The following ZC3H14 variants were observed in gnomAD, a reference collection of about 807,000 sequenced individuals.
ZC3H14 encodes the protein zinc finger CCCH-type containing 14, also known as zinc finger CCCH domain-containing protein 14.
A neutral mutation model predicts 92.4 loss-of-function variants in ZC3H14; 31 were observed. The observed-to-expected ratio is 0.34, with a 90% CI of 0.25 to 0.45. The LOEUF (loss-of-function observed/expected upper bound fraction) is 0.45, where lower values mean the gene tolerates loss of function less well. Ranked by LOEUF, ZC3H14 falls within the 20% of genes least tolerant of loss-of-function variation. ZC3H14 has a pLI of 1.00. For missense variants in ZC3H14, 781 were observed against 897.3 expected, an observed-to-expected ratio of 0.87 and a Z score of 1.66; for synonymous variants, 321 against 300.9, an observed-to-expected ratio of 1.07 and a Z score of -0.69.
intron 8 of ZC3H14, 77 bp downstream of exon 8, chr14:88,576,017 T>A: frequency 1.6e-6 from 2 of 1,278,868 alleles, no homozygotes; most frequent in Non-Finnish European, 2.2e-6. Flanking sequence ...GATTGCTCCT[T>A]AAATTGTAAA....
chr14:88,584,891 C>T (rs890669037), intron 9 of ZC3H14, among the ~76,000 whole-genome samples: 11 of 152,010 alleles, frequency 7.2e-5, no homozygotes, highest in Non-Finnish European at 1.0e-4. Flanking sequence ...CATGTTACAA[C>T]TGTGGCTGCA....
At chr14:88,594,582 A>G in intron 9 of ZC3H14, 2 of 1,518,708 alleles carry the variant, frequency 1.3e-6, no homozygotes, top group East Asian at 2.3e-5. Flanking sequence ...TTAAGATGTT[A>G]TTTGCTCTTA....
At chr14:88,571,212 C>T in intron 4 of ZC3H14, 88 bp downstream of exon 4, 2 of 1,196,530 alleles carry the variant, frequency 1.7e-6, no homozygotes, top group Non-Finnish European at 2.3e-6. Flanking sequence ...TGGGAAAAAC[C>T]CATCAATTTC....
intron 1 of ZC3H14, chr14:88,563,378 G>C: frequency 6.9e-7 from 1 of 1,440,934 alleles, no homozygotes; most frequent in African/African-American, 1.5e-5. Context: ...GTAGCCGCCG[G>C]GAAATGGAAG....
chr14:88,577,550 T>C, intron 8 of ZC3H14, among the ~76,000 whole-genome samples: 1 of 152,150 alleles, frequency 6.6e-6, no homozygotes, highest in South Asian at 2.1e-4. Flanking sequence ...ACTCCTCATA[T>C]ATATGTTCTT....
intron 9 of ZC3H14, chr14:88,595,049 C>G: frequency 6.2e-7 from 1 of 1,613,468 alleles, no homozygotes; most frequent in African/African-American, 1.3e-5. Flanking sequence ...GAAGAAGATA[C>G]TGAATCACAG....
intron 3 of ZC3H14, among the ~76,000 whole-genome samples, 193 bp from the exon 4 acceptor site, chr14:88,570,891 G>C (rs2080296256): frequency 6.6e-6 from 1 of 152,042 alleles, no homozygotes; most frequent in Non-Finnish European, 1.5e-5. Flanking sequence ...TGAGGCAGGT[G>C]GTTCTCTCAA....
chr14:88,574,073 TTCAA>T (rs2080847250), intron 6 of ZC3H14, among the ~76,000 whole-genome samples: 2 of 152,224 alleles, frequency 1.3e-5, no homozygotes, highest in Admixed American at 6.5e-5. Flanking sequence ...TTTGGGGGGT[TTCAA>T]TCAATTTTAG....
In ZC3H14 at chr14:88,601,994, T is replaced by C. The variant is rs773703869; in HGVS notation, c.1425T>C (p.Ser475=). The C allele has an allele frequency of 7.4e-6, 12 of 1,614,064 alleles. No homozygotes were observed. The Admixed American group carries it at 8.3e-5, about 11-fold the overall frequency. Reference sequence around the variant, plus strand: ...TTATTCTGAAGAAGCCAAAGCTGTCTGAGGAAGTAGTAGTGGCACCAAACC... The same window carrying C: ...TTATTCTGAAGAAGCCAAAGCTGTCCGAGGAAGTAGTAGTGGCACCAAACC... ...RSFILKKPKL[S]EEVVVAPNQE... Residue 475 remains serine, a synonymous_variant, in exon 11 of 17, where the codon TCT becomes TCC. Coordinates refer to ENST00000251038, the MANE Select transcript of ZC3H14 (RefSeq NM_024824.5).
chr14:88,594,429 G>A, intron 9 of ZC3H14: 17 of 1,210,664 alleles, frequency 1.4e-5, no homozygotes, highest in Non-Finnish European at 1.8e-5. Flanking sequence ...TATACAGATG[G>A]TACTTAGAGG....
chr14:88,592,047 C>T (rs1029115112), intron 9 of ZC3H14: 1 of 152,194 alleles, frequency 6.6e-6, no homozygotes, highest in Non-Finnish European at 1.5e-5. Context: ...AATATTTACA[C>T]TGGAGTCTTA....
chr14:88,563,309 C>T (rs551091812), intron 1 of ZC3H14, 140 bp downstream of exon 1: 15 of 1,521,070 alleles, frequency 9.9e-6, no homozygotes, highest in South Asian at 3.7e-5. Flanking sequence ...GGCTCCTCCT[C>T]GTCCAGGCCG....
chr14:88,596,554 A>T (rs182585443), intron 9 of ZC3H14, among the ~76,000 whole-genome samples, 180 bp from the exon 10 acceptor site: 1 of 152,194 alleles, frequency 6.6e-6, no homozygotes, highest in Non-Finnish European at 1.5e-5. Context: ...CCCTGAGTAC[A>T]GCCTTTTTTG....
At chr14:88,606,269 T>A (rs1280941305) in intron 12 of ZC3H14, among the ~76,000 whole-genome samples, 1 of 152,194 alleles carries the variant, frequency 6.6e-6, no homozygotes, top group African/African-American at 2.4e-5. Flanking sequence ...CACTTTGCCC[T>A]GTCATAGTAA....
At chr14:88,581,411 A>G (rs547799786) in intron 9 of ZC3H14, among the ~76,000 whole-genome samples, 1 of 152,144 alleles carries the variant, frequency 6.6e-6, no homozygotes, top group African/African-American at 2.4e-5. Context: ...ATACAAAAAA[A>G]TTAGCTGGGT....
Position 88,607,452 on chromosome 14 carries a change from G to A in ZC3H14, c.1868+89G>A, listed in dbSNP as rs570448594. On this transcript the variant is annotated intron_variant, in intron 13 of 16. Coordinates refer to ENST00000251038, the MANE Select transcript of ZC3H14 (RefSeq NM_024824.5). ...TACCATCCCCCATCTCACCTGGCAA[G>A]TACCATCCCATCTCACCCAGCAAGT... 1.8e-4 allele frequency: 250 copies of A among 1,417,298 alleles called. 3 individuals carry two copies. In the South Asian group the frequency reaches 2.6e-3, roughly 15 times the overall value. The allele number at this position is 1,417,298 out of a possible 1,614,324, so 87.8% of individuals were successfully genotyped here. A position where few individuals can be genotyped will look rare whatever the true frequency, so the allele number is the denominator to read the frequency against.
intron 9 of ZC3H14, among the ~76,000 whole-genome samples, chr14:88,578,435 T>C (rs766741663): frequency 1.9e-4 from 29 of 152,204 alleles, no homozygotes; most frequent in East Asian, 7.7e-4. Context: ...TGTGTGCCAC[T>C]GCACCCAGCC....
intron 9 of ZC3H14, chr14:88,594,600 T>G: frequency 3.2e-6 from 5 of 1,577,730 alleles, no homozygotes; most frequent in Non-Finnish European, 4.3e-6. Flanking sequence ...TTAATACGTC[T>G]TAAGGTAACA....
chr14:88,563,201 C>T lies in ZC3H14; in HGVS notation c.36+32C>T, dbSNP rs774698704. 7 of 1,596,700 alleles carry T rather than the reference C, an allele frequency of 4.4e-6. No individual in the cohort carries two copies. In the South Asian group the frequency reaches 6.8e-5, roughly 15 times the overall value. On this transcript the variant is annotated intron_variant, in intron 1 of 16. Coordinates refer to ENST00000251038, the MANE Select transcript of ZC3H14 (RefSeq NM_024824.5). Reference sequence around the variant, plus strand: ...CCCGTGCCGGTCGGGGGTGGGAAGCCAGGTCTCGGCGAGCGGGCGGTTGTC... The same window carrying T: ...CCCGTGCCGGTCGGGGGTGGGAAGCTAGGTCTCGGCGAGCGGGCGGTTGTC...
Sources: gnomAD v4.1 joint callset for allele counts (sites outside exome capture counted in the v4.1 genomes callset) on GRCh38, gnomAD v4.1.1 for gene constraint, MANE v1.5 for transcripts, NCBI Gene and HGNC (gene_info 2026-07-23, HGNC 2026-07-21) for gene names.